Variants in LHFPL3 observed in about 807,000 individuals in gnomAD.
LHFPL3 encodes LHFPL tetraspan subfamily member 3.
In LHFPL3, 5 loss-of-function variants were observed where a neutral mutation model predicts 19.3. The observed-to-expected ratio is 0.26, with a 90% CI of 0.14 to 0.54. The LOEUF is 0.54. LHFPL3 is among the 20% of genes least tolerant of loss of function. LHFPL3 has a pLI of 0.94. For missense variants in LHFPL3, 249 were observed against 307.4 expected (o/e 0.81, Z 1.42); for synonymous variants, 133 against 126.2 (o/e 1.05, Z -0.36).
At chr7:104,826,983 T>G (rs1051399037) in intron 2 of LHFPL3, among the ~76,000 whole-genome samples, 1 of 152,016 alleles carries the variant, frequency 6.6e-6, no homozygotes, top group Non-Finnish European at 1.5e-5. Flanking sequence ...GAAGAAGCCC[T>G]TTTGTACTAC....
intron 1 of LHFPL3, among the ~76,000 whole-genome samples, chr7:104,643,175 G>A (rs1193672632): frequency 6.6e-6 from 1 of 152,102 alleles, no homozygotes; most frequent in Non-Finnish European, 1.5e-5. Flanking sequence ...TTGTTCATCT[G>A]GCTCTCTCTA....
intron 2 of LHFPL3, among the ~76,000 whole-genome samples, chr7:104,796,072 C>T (rs535484285): frequency 1.8e-4 from 27 of 152,294 alleles, no homozygotes; most frequent in Non-Finnish European, 1.9e-4. Context: ...CTTCAGCTCA[C>T]GTATGGGATG....
chr7:104,881,087 G>A (rs1044540953), intron 2 of LHFPL3, among the ~76,000 whole-genome samples: 4 of 150,552 alleles, frequency 2.7e-5, no homozygotes, highest in South Asian at 2.1e-4. Context: ...GGAGAATGGC[G>A]TGAACCTGGG....
intron 1 of LHFPL3, among the ~76,000 whole-genome samples, chr7:104,338,494 A>G (rs567385300): frequency 2.0e-5 from 3 of 152,218 alleles, no homozygotes; most frequent in Non-Finnish European, 4.4e-5. Context: ...GGCTGTAGTC[A>G]CAATGTTTGA....
intron 1 of LHFPL3, among the ~76,000 whole-genome samples, chr7:104,464,513 C>T (rs1562905695): frequency 6.6e-6 from 1 of 152,260 alleles, no homozygotes; most frequent in African/African-American, 2.4e-5. Flanking sequence ...CTGAAGCATA[C>T]TTCTGCCTGG....
At chr7:104,638,531 A>G (rs1791771715) in intron 1 of LHFPL3, among the ~76,000 whole-genome samples, 1 of 152,152 alleles carries the variant, frequency 6.6e-6, no homozygotes, top group African/African-American at 2.4e-5. Context: ...TGTGTTTGTC[A>G]TAGATGGATC....
intron 1 of LHFPL3, among the ~76,000 whole-genome samples, chr7:104,620,399 G>A (rs187050932): frequency 3.0e-4 from 45 of 152,314 alleles, no homozygotes; most frequent in Middle Eastern, 3.4e-3. Flanking sequence ...TATATAGGTT[G>A]TTAAATATTT....
chr7:104,628,330 G>A (rs149598932), intron 1 of LHFPL3, among the ~76,000 whole-genome samples: 39 of 152,212 alleles, frequency 2.6e-4, no homozygotes, highest in African/African-American at 8.4e-4. Flanking sequence ...CTTTCCCTAC[G>A]TCACTGCCAT....
intron 1 of LHFPL3, among the ~76,000 whole-genome samples, chr7:104,391,958 G>C (rs964614793): frequency 1.3e-5 from 2 of 152,166 alleles, no homozygotes; most frequent in African/African-American, 4.8e-5. Context: ...TTGTGAATGG[G>C]AGTTCACTCA....
chr7:104,425,528 G>C (rs1791829433), intron 1 of LHFPL3, among the ~76,000 whole-genome samples: 1 of 152,066 alleles, frequency 6.6e-6, no homozygotes, highest in Admixed American at 6.6e-5. Context: ...AGATTAAACA[G>C]ATGATTTTAT....
chr7:104,523,639 A>G lies in LHFPL3; in HGVS notation c.445+194415A>G, dbSNP rs575091273. Among the ~76,000 whole-genome samples, 10 of 152,282 alleles carry G rather than the reference A, an allele frequency of 6.6e-5. No individual in the cohort carries two copies. In the East Asian group the frequency reaches 1.9e-3, roughly 29 times the overall value. Reference sequence around the variant, plus strand: ...GTTTAGTACACATATAGTCACTTAGATATAGAAATACATGATGCATGCACA... The same window carrying G: ...GTTTAGTACACATATAGTCACTTAGGTATAGAAATACATGATGCATGCACA... On this transcript the variant is annotated intron_variant, in intron 1 of 2. Transcript: ENST00000424859.
At chr7:104,584,193 C>T (rs1790518105) in intron 1 of LHFPL3, among the ~76,000 whole-genome samples, 5 of 151,958 alleles carry the variant, frequency 3.3e-5, no homozygotes, top group Admixed American at 2.6e-4. Context: ...GCATTCTCAG[C>T]AACCTATCGC....
At chr7:104,872,198 G>A (rs536444936) in intron 2 of LHFPL3, among the ~76,000 whole-genome samples, 8 of 151,702 alleles carry the variant, frequency 5.3e-5, no homozygotes, top group South Asian at 2.1e-4. Flanking sequence ...TTATCTGGGC[G>A]TGGTGGCACA....
chr7:104,848,907 T>TG (rs1562813612), intron 2 of LHFPL3, among the ~76,000 whole-genome samples: 307 of 151,970 alleles, frequency 2.0e-3, no homozygotes, highest in African/African-American at 7.0e-3. Context: ...TTGGTTTTTT[T>TG]TTTGTTGTTG....
intron 1 of LHFPL3, among the ~76,000 whole-genome samples, chr7:104,582,116 C>T (rs1052662656): frequency 1.3e-5 from 2 of 151,806 alleles, no homozygotes; most frequent in Admixed American, 6.6e-5. Flanking sequence ...ATTTAGTGTT[C>T]TTGAATTTCT....
intron 2 of LHFPL3, among the ~76,000 whole-genome samples, chr7:104,797,649 C>T (rs2116464612): frequency 1.3e-5 from 2 of 151,718 alleles, no homozygotes; most frequent in South Asian, 2.1e-4. Context: ...TGTGGTGGCT[C>T]ACACCTGTAA....
At chr7:104,604,143 C>A (rs568444855) in intron 1 of LHFPL3, among the ~76,000 whole-genome samples, 1 of 152,160 alleles carries the variant, frequency 6.6e-6, no homozygotes, top group African/African-American at 2.4e-5. Flanking sequence ...AGGTGGAGAC[C>A]GCCATGGCCC....
chr7:104,472,297 A>T (rs1367762871), intron 1 of LHFPL3, among the ~76,000 whole-genome samples: 1 of 152,156 alleles, frequency 6.6e-6, no homozygotes, highest in Non-Finnish European at 1.5e-5. Flanking sequence ...GCAAAGATTG[A>T]TAGGTGGAGA....
In LHFPL3 at chr7:104,873,433, G is replaced by A. The variant is rs138165090; in HGVS notation, c.683-32754G>A. On this transcript the variant is annotated intron_variant, in intron 2 of 2. Transcript: ENST00000424859. ...GCCCAGGAGTTTGAGATCAGCCTGG[G>A]CAACATAGCAAAACTCCATCTCTAC... Among the ~76,000 whole-genome samples, 143 of 152,204 alleles carry A rather than the reference G, an allele frequency of 9.4e-4. 1 individual carries two copies. The highest frequency in any genetic ancestry group is 3.2e-3 in the African/African-American group (133 of 41,526).
Sources: gnomAD v4.1 joint callset for allele counts (sites outside exome capture counted in the v4.1 genomes callset) on GRCh38, gnomAD v4.1.1 for gene constraint, MANE v1.5 for transcripts, NCBI Gene and HGNC (gene_info 2026-07-23, HGNC 2026-07-21) for gene names.